CFAP20DC: variants seen among roughly 807,000 people sequenced by gnomAD.
CFAP20DC encodes the protein protein CFAP20DC.
In CFAP20DC, 84 loss-of-function variants were observed where a neutral mutation model predicts 101.7. That is an observed-to-expected ratio of 0.83 (90% CI 0.69 to 0.99). The LOEUF is 0.99. Ranked by LOEUF, CFAP20DC falls within the 50% of genes least tolerant of loss-of-function variation. The probability of loss-of-function intolerance (pLI) is 0.00; values close to 1 mark genes in which losing one functional copy is unlikely to be tolerated. For synonymous variants in CFAP20DC, 359 were observed against 351.2 expected (o/e 1.02, Z -0.25); for missense variants, 1,007 against 970.3 (o/e 1.04, Z -0.50).
intron 4 of CFAP20DC, among the ~76,000 whole-genome samples, chr3:58,997,087 A>G (rs1176658617): frequency 1.3e-5 from 2 of 152,214 alleles, no homozygotes; most frequent in East Asian, 1.9e-4. Flanking sequence ...ACTTTCTGTG[A>G]GCCTAAATTT....
intron 14 of CFAP20DC, among the ~76,000 whole-genome samples, chr3:58,809,972 G>C (rs577587284): frequency 4.6e-5 from 7 of 152,066 alleles, no homozygotes; most frequent in South Asian, 4.2e-4. Context: ...ATAAATTCCT[G>C]GACACATACA....
At position 58,979,932 on chromosome 3, in the gene CFAP20DC, T is replaced by A. The variant is rs75572319; in HGVS notation, c.279-42170A>T. On this transcript the variant is annotated intron_variant, in intron 4 of 16. Coordinates refer to ENST00000482387, the MANE Select transcript of CFAP20DC (RefSeq NM_001394063.1). ...ATAGGTTTCGTCTTAAGTTCCAGTG[T>A]CAAATGATTGGTAGTGACTGTCTGG... 1.3e-3 allele frequency among the ~76,000 whole-genome samples: 193 copies of A among 152,202 alleles called. 3 individuals carry two copies. In the East Asian group the frequency reaches 0.036, roughly 28 times the overall value.
At position 59,001,152 on chromosome 3, in the gene CFAP20DC, G is replaced by C. The variant is rs1256862762; in HGVS notation, c.278+38405C>G. Among the ~76,000 whole-genome samples the C allele has an allele frequency of 6.6e-6, 1 of 151,998 alleles. No homozygotes were observed. ...CCTGCCAAAGGGAAAGAGAAAGAAA[G>C]GAAAGAGACCTAAGAGATTTAAATC... On this transcript the variant is annotated intron_variant, in intron 4 of 16. Transcript: ENST00000482387. The surrounding 1 kb of genome is among the most constrained non-coding windows in gnomAD (Gnocchi z 4.5).
At chr3:58,760,947 T>C (rs947332880) in intron 15 of CFAP20DC, among the ~76,000 whole-genome samples, 4 of 152,214 alleles carry the variant, frequency 2.6e-5, no homozygotes, top group African/African-American at 7.2e-5. Flanking sequence ...CAGTATTTTA[T>C]TGAGGATTTT....
chr3:59,028,099 C>A (rs2093924771), intron 4 of CFAP20DC, among the ~76,000 whole-genome samples: 1 of 152,196 alleles, frequency 6.6e-6, no homozygotes, highest in Admixed American at 6.5e-5. Flanking sequence ...ACAGTAAACA[C>A]TCCCTTTGCT....
intron 14 of CFAP20DC, among the ~76,000 whole-genome samples, chr3:58,823,857 T>C (rs180973529): frequency 3.3e-5 from 5 of 152,326 alleles, no homozygotes; most frequent in Admixed American, 3.3e-4. Context: ...TTGTTTTCAT[T>C]CTCATGACAT....
chr3:58,942,561 C>T (rs895685771), intron 4 of CFAP20DC, among the ~76,000 whole-genome samples: 1 of 152,228 alleles, frequency 6.6e-6, no homozygotes, highest in African/African-American at 2.4e-5. Flanking sequence ...ATGCTTTTCC[C>T]ATGGTCTTTG....
intron 6 of CFAP20DC, among the ~76,000 whole-genome samples, chr3:58,900,172 C>T (rs1174160213): frequency 1.3e-5 from 2 of 152,322 alleles, no homozygotes; most frequent in East Asian, 3.9e-4. Context: ...CAGAAGGACT[C>T]TGGTGCATTC....
intron 5 of CFAP20DC, among the ~76,000 whole-genome samples, chr3:58,933,483 C>T (rs530386388): frequency 2.6e-5 from 4 of 152,310 alleles, no homozygotes; most frequent in African/African-American, 9.6e-5. Context: ...TTTTCAGCAC[C>T]ACACCACACC....
At chr3:58,961,667 G>A (rs1487164892) in intron 4 of CFAP20DC, among the ~76,000 whole-genome samples, 1 of 151,830 alleles carries the variant, frequency 6.6e-6, no homozygotes, top group African/African-American at 2.4e-5. Flanking sequence ...TTCTTGGTGG[G>A]AAGATTTTTA....
chr3:58,895,783 C>A (rs1293004296), intron 6 of CFAP20DC, among the ~76,000 whole-genome samples: 3 of 152,136 alleles, frequency 2.0e-5, no homozygotes, highest in African/African-American at 7.2e-5. Context: ...ATGGGGAACT[C>A]ACAGTTCTAC....
chr3:58,804,335 C>T (rs1018289159), intron 15 of CFAP20DC, among the ~76,000 whole-genome samples: 6 of 151,798 alleles, frequency 4.0e-5, no homozygotes, highest in African/African-American at 1.5e-4. Flanking sequence ...CTTACTATCA[C>T]TCTCATTTGT....
rs983462816 is a variant in CFAP20DC, at chr3:58,964,363, C to T, written c.279-26601G>A. Among the ~76,000 whole-genome samples, 1 of 152,204 alleles carries T rather than the reference C, an allele frequency of 6.6e-6. No individual in the cohort carries two copies. Among genetic ancestry groups the T allele is most frequent in the Non-Finnish European group, 1.5e-5 (1 of 68,034 alleles). ...ACATTTGAATGTTAAGTCTCCACCC[C>T]AAGGTGGGCATGTAACGTGTATGTT... On this transcript the variant is annotated intron_variant, in intron 4 of 16. Transcript: ENST00000482387. This position sits in a 1 kb window ranked among gnomAD's most constrained non-coding sequence, Gnocchi z 4.1.
intron 4 of CFAP20DC, among the ~76,000 whole-genome samples, chr3:58,938,194 C>T (rs1477449269): frequency 2.6e-5 from 4 of 152,288 alleles, no homozygotes; most frequent in South Asian, 2.1e-4. Flanking sequence ...TTTGTATAGG[C>T]TCTTAGTCTG....
chr3:58,766,427 AC>A (rs1400554684), intron 15 of CFAP20DC, among the ~76,000 whole-genome samples: 2 of 152,112 alleles, frequency 1.3e-5, no homozygotes, highest in Admixed American at 6.6e-5. Flanking sequence ...CTCCCCTTCC[AC>A]CACCAAGGTC....
chr3:58,778,419 C>G (rs563235853), intron 15 of CFAP20DC, among the ~76,000 whole-genome samples: 2 of 152,300 alleles, frequency 1.3e-5, no homozygotes, highest in East Asian at 3.9e-4. Flanking sequence ...CTGCTGCTAC[C>G]ACAACAGCTG....
chr3:58,979,216 G>C (rs2092412892), intron 4 of CFAP20DC, among the ~76,000 whole-genome samples: 1 of 152,188 alleles, frequency 6.6e-6, no homozygotes, highest in African/African-American at 2.4e-5. Flanking sequence ...CAGTCAGACT[G>C]CATAGGCACA....
intron 14 of CFAP20DC, among the ~76,000 whole-genome samples, chr3:58,824,031 C>T (rs1050244345): frequency 2.0e-5 from 3 of 152,096 alleles, no homozygotes; most frequent in African/African-American, 7.2e-5. Context: ...TCAATATTTC[C>T]TCCTGACAGT....
intron 4 of CFAP20DC, among the ~76,000 whole-genome samples, chr3:58,939,467 T>G (rs2088195277): frequency 1.3e-5 from 2 of 152,148 alleles, no homozygotes; most frequent in Admixed American, 1.3e-4. Context: ...TTTTTATTTT[T>G]TATTTTTTTG....
Sources: gnomAD v4.1 joint callset for allele counts (sites outside exome capture counted in the v4.1 genomes callset) on GRCh38, gnomAD v4.1.1 for gene constraint, Gnocchi (gnomAD v3.1) non-coding constraint, MANE v1.5 for transcripts, NCBI Gene and HGNC (gene_info 2026-07-23, HGNC 2026-07-21) for gene names.